The following STOX2 variants were observed in gnomAD, a reference collection of about 807,000 sequenced individuals.
STOX2 encodes storkhead-box protein 2.
STOX2 carries 28 observed loss-of-function variants against 60.9 expected under a neutral mutation model. The ratio of observed to expected loss-of-function variants is 0.46; its 90% confidence interval spans 0.34 to 0.63. The LOEUF (loss-of-function observed/expected upper bound fraction) is 0.63, where lower values mean the gene tolerates loss of function less well. Ranked by LOEUF, STOX2 falls within the 30% of genes least tolerant of loss-of-function variation. The probability of loss-of-function intolerance (pLI) is 0.01; values close to 1 mark genes in which losing one functional copy is unlikely to be tolerated. For missense variants in STOX2, 1,024 were observed against 1,187.7 expected (o/e 0.86, Z 2.03); for synonymous variants, 472 against 463.9 (o/e 1.02, Z -0.22).
At chr4:183,969,526 C>T (rs1260777831) in intron 1 of STOX2, among the ~76,000 whole-genome samples, 2 of 152,196 alleles carry the variant, frequency 1.3e-5, no homozygotes, top group African/African-American at 2.4e-5. Flanking sequence ...CCTCAGCCTC[C>T]CAAAGCCCTG....
At chr4:183,887,743 T>A (rs1448524190) in intron 1 of STOX2, among the ~76,000 whole-genome samples, 2 of 152,140 alleles carry the variant, frequency 1.3e-5, no homozygotes, top group Admixed American at 6.5e-5. Flanking sequence ...TGTTAAAAAA[T>A]TTATTATTTT....
Position 184,023,074 on chromosome 4 carries a change from A to G in STOX2, c.*5790A>G, listed in dbSNP as rs1734652233. On this transcript the variant is annotated 3_prime_UTR_variant, in exon 4 of 4. Transcript: ENST00000308497. The stretch of plus-strand genomic sequence containing the variant: ...CTATTGCATTAGGGTAAATGAATTA[A>G]GACGTGCAAGTGGGATTTACTGTAT... 1 of 152,236 alleles carries G rather than the reference A, an allele frequency of 6.6e-6. No homozygotes were observed. The highest frequency in any genetic ancestry group is 6.5e-5 in the Admixed American group (1 of 15,284). The allele number at this position is 152,236 out of a possible 1,614,324, so 9.4% of individuals were successfully genotyped here. A position where few individuals can be genotyped will look rare whatever the true frequency, so the allele number is the denominator to read the frequency against.
At chr4:183,883,465 A>G (rs1054176466) in intron 1 of STOX2, among the ~76,000 whole-genome samples, 30 of 151,668 alleles carry the variant, frequency 2.0e-4, no homozygotes, top group African/African-American at 6.8e-4. Flanking sequence ...GACTACAGGC[A>G]CCTGCCACCA....
rs1394269746 is a variant in STOX2 at position 184,010,982 on chromosome 4, G to C, written c.2144G>C (p.Ser715Thr). The change falls in exon 3 of 4, where the codon AGC becomes ACC. Residue 715 changes from serine (S) to threonine (T), a missense_variant. By Grantham distance (58) the Ser-to-Thr change is moderately conservative. Transcript: ENST00000308497. The surrounding 1 kb of genome is among the most constrained non-coding windows in gnomAD (Gnocchi z 4.5). ...KPLHSTLSVN[S>T]YHKSSLSLLK... ...CTTCACAGCACCTTGTCTGTAAACA[G>C]CTATCACAAGTCGAGCCTGTCCCTC... is the stretch of plus-strand genomic sequence containing the variant. 2.5e-6 allele frequency: 4 copies of C among 1,613,346 alleles called. No individual in the cohort carries two copies. The East Asian group carries it at 8.9e-5, about 36-fold the overall frequency.
At chr4:183,872,583 G>C (rs1005233141) in intron 1 of STOX2, among the ~76,000 whole-genome samples, 2 of 152,034 alleles carry the variant, frequency 1.3e-5, no homozygotes, top group African/African-American at 4.8e-5. Context: ...ATTTAACATC[G>C]ATCATAAAAG....
At chr4:184,004,462 T>A (rs1207677698) in intron 2 of STOX2, among the ~76,000 whole-genome samples, 4 of 152,094 alleles carry the variant, frequency 2.6e-5, no homozygotes, top group African/African-American at 9.7e-5. Context: ...TAGCCGGGCT[T>A]GGTGGCGGGC....
At chr4:183,811,910 C>T (rs529088753) in intron 1 of STOX2, among the ~76,000 whole-genome samples, 13 of 150,238 alleles carry the variant, frequency 8.7e-5, no homozygotes, top group South Asian at 4.2e-4. Flanking sequence ...TATAAAATGA[C>T]CTAGTGAGAA....
At chr4:183,909,093 C>A (rs573118715) in intron 1 of STOX2, among the ~76,000 whole-genome samples, 2 of 152,302 alleles carry the variant, frequency 1.3e-5, no homozygotes, top group South Asian at 4.1e-4. Context: ...ATGACAAACA[C>A]CTACAATGAA....
intron 1 of STOX2, among the ~76,000 whole-genome samples, chr4:183,861,253 CCCA>C (rs1740434886): frequency 6.6e-6 from 1 of 152,104 alleles, no homozygotes; most frequent in Non-Finnish European, 1.5e-5. Context: ...GGAGCTGCCC[CCCA>C]CCACTGAGGT....
intron 1 of STOX2, among the ~76,000 whole-genome samples, chr4:183,973,394 C>T (rs1293148017): frequency 6.6e-6 from 1 of 151,954 alleles, no homozygotes; most frequent in Non-Finnish European, 1.5e-5. Context: ...TTAGACATAC[C>T]AATGATACAT....
chr4:184,009,174 C>A lies in STOX2; in HGVS notation c.336C>A (p.Ser112Arg). ...TTCFPGVPTP[S>R]QEILRHTLNT... ...TTTTTTCAGGTGTTCCAACGCCAAGCCAAGAAATTCTGCGGCACACGCTGA... is the reference window on the plus strand; with the variant it reads ...TTTTTTCAGGTGTTCCAACGCCAAGACAAGAAATTCTGCGGCACACGCTGA... Residue 112 changes from serine to arginine, a missense_variant, in exon 3 of 4, where the codon AGC becomes AGA. This residue lies in a region of STOX2 where 922 missense variants were observed against 1,058.3 expected (regional missense o/e 0.87). Coordinates refer to ENST00000308497, the MANE Select transcript of STOX2 (RefSeq NM_020225.3). This position sits in a 1 kb window ranked among gnomAD's most constrained non-coding sequence, Gnocchi z 4.0. 1 of 1,236,312 alleles carries A rather than the reference C, an allele frequency of 8.1e-7. No individual in the cohort carries two copies. Among genetic ancestry groups the A allele is most frequent in the Non-Finnish European group, 1.1e-6 (1 of 903,752 alleles). 76.6% of individuals were successfully genotyped at this position (1,236,312 alleles called of 1,614,324 possible).
At chr4:183,893,088 C>A (rs1370685813) in intron 1 of STOX2, among the ~76,000 whole-genome samples, 3 of 150,626 alleles carry the variant, frequency 2.0e-5, no homozygotes, top group African/African-American at 7.4e-5. Context: ...TGTGTCCCAC[C>A]GTATCTCTGG....
chr4:183,921,944 A>G (rs2111102632), intron 1 of STOX2, among the ~76,000 whole-genome samples: 1 of 152,354 alleles, frequency 6.6e-6, no homozygotes, highest in South Asian at 2.1e-4. Context: ...TAACTTTAGA[A>G]TCAATACACC....
At chr4:183,828,226 C>T (rs1360667334) in intron 1 of STOX2, among the ~76,000 whole-genome samples, 2 of 152,162 alleles carry the variant, frequency 1.3e-5, no homozygotes, top group Non-Finnish European at 2.9e-5. Context: ...TGCCAGCTGG[C>T]TGTGATGACA....
intron 1 of STOX2, among the ~76,000 whole-genome samples, chr4:183,801,313 C>A (rs1738758667): frequency 6.6e-6 from 1 of 152,170 alleles, no homozygotes; most frequent in Non-Finnish European, 1.5e-5. Context: ...CAGAACCCTT[C>A]AAAGGGTATA....
At chr4:183,955,857 GC>G (rs1425019141) in intron 1 of STOX2, among the ~76,000 whole-genome samples, 1 of 152,116 alleles carries the variant, frequency 6.6e-6, no homozygotes, top group African/African-American at 2.4e-5. Context: ...TCGTGGGCCT[GC>G]CTGCAGAGCG....
intron 1 of STOX2, among the ~76,000 whole-genome samples, chr4:183,808,282 G>A (rs1048396393): frequency 6.6e-6 from 1 of 152,108 alleles, no homozygotes; most frequent in African/African-American, 2.4e-5. Context: ...TCCAATCCTC[G>A]CCTGACTCCC....
intron 1 of STOX2, among the ~76,000 whole-genome samples, chr4:183,964,298 A>C (rs750163394): frequency 4.6e-5 from 7 of 152,216 alleles, no homozygotes; most frequent in Non-Finnish European, 8.8e-5. Flanking sequence ...TTTGTGACCT[A>C]GAATCACTTC....
chr4:183,839,933 G>A (rs931596254), intron 1 of STOX2, among the ~76,000 whole-genome samples: 5 of 152,116 alleles, frequency 3.3e-5, no homozygotes, highest in African/African-American at 1.2e-4. Flanking sequence ...ACGCTCTAAG[G>A]GTTTTGTTTG....
Sources: allele counts gnomAD v4.1 joint callset (sites outside exome capture counted in the v4.1 genomes callset), GRCh38; gene constraint gnomAD v4.1.1; regional missense constraint gnomAD v4.1.1; non-coding constraint Gnocchi (gnomAD v3.1); transcripts MANE v1.5; gene names NCBI Gene and HGNC (gene_info 2026-07-23, HGNC 2026-07-21).